Variants in ANKRD55 observed in about 807,000 individuals in gnomAD.
ANKRD55 encodes the protein ankyrin repeat domain-containing protein 55.
In ANKRD55, 41 loss-of-function variants were observed where a neutral mutation model predicts 60.6. The ratio of observed to expected loss-of-function variants is 0.68; its 90% CI spans 0.53 to 0.88. The LOEUF is 0.88. ANKRD55 is among the 40% of genes least tolerant of loss of function. The pLI, the probability that ANKRD55 is intolerant of heterozygous loss-of-function variation, is 0.00. For synonymous variants in ANKRD55, 264 were observed against 290.3 expected (o/e 0.91, Z 0.92); for missense variants, 732 against 767.6 (o/e 0.95, Z 0.55).
intron 6 of ANKRD55, 39 bp downstream of exon 6, chr5:56,159,794 A>G (rs745361114): frequency 2.5e-6 from 4 of 1,605,642 alleles, no homozygotes; most frequent in South Asian, 2.2e-5. Context: ...TCACCCTCAC[A>G]TGCAAAATGA....
intron 10 of ANKRD55, among the ~76,000 whole-genome samples, chr5:56,107,694 A>G (rs986401232): frequency 6.6e-6 from 1 of 152,084 alleles, no homozygotes; most frequent in Non-Finnish European, 1.5e-5. Flanking sequence ...ACATGGGGAC[A>G]CGCATTTTTC....
chr5:56,219,383 C>T (rs4457035), intron 2 of ANKRD55, among the ~76,000 whole-genome samples: 20,147 of 152,000 alleles, frequency 0.13, 2,062 homozygotes, highest in African/African-American at 0.29. Context: ...GTACTTTCCA[C>T]GTATACTGGA....
At chr5:56,229,093 GTTTTTTT>G (rs77788173) in intron 2 of ANKRD55, among the ~76,000 whole-genome samples, 5 of 126,760 alleles carry the variant, frequency 3.9e-5, no homozygotes, top group Middle Eastern at 8.3e-3. Flanking sequence ...CCCCTCGCCT[GTTTTTTT>G]TTTTTTTTTT....
intron 10 of ANKRD55, among the ~76,000 whole-genome samples, chr5:56,110,050 C>CAA (rs61381724): frequency 6.9e-6 from 1 of 144,328 alleles, no homozygotes. Context: ...GACTCCGTCT[C>CAA]AAAAAAAAAA....
intron 9 of ANKRD55, among the ~76,000 whole-genome samples, chr5:56,113,239 C>G (rs1756788232): frequency 6.6e-6 from 1 of 152,064 alleles, no homozygotes; most frequent in Non-Finnish European, 1.5e-5. Flanking sequence ...AACATCACAA[C>G]GTTATTTGTC....
rs1758280609 is a variant in ANKRD55 at position 56,159,829 on chromosome 5, T to C, written c.483+4A>G. On this transcript the variant is annotated splice_donor_region_variant and intron_variant, in intron 6 of 11. Transcript: ENST00000341048. ...ACCACTTGTTGCTTGAGAGTGTGGCTCACCTCATTGTCCTGGTGATTAATC... is the reference window on the plus strand; with the variant it reads ...ACCACTTGTTGCTTGAGAGTGTGGCCCACCTCATTGTCCTGGTGATTAATC... The C allele has an allele frequency of 6.2e-7, 1 of 1,613,706 alleles. No homozygotes were observed. The highest frequency in any genetic ancestry group is 1.3e-5 in the African/African-American group (1 of 74,908).
intron 2 of ANKRD55, among the ~76,000 whole-genome samples, chr5:56,202,693 C>T (rs1759407618): frequency 1.3e-5 from 2 of 152,178 alleles, no homozygotes; most frequent in Admixed American, 1.3e-4. Flanking sequence ...GGAAGTCTTG[C>T]AACAATATTA....
At chr5:56,188,358 C>A (rs1444128018) in intron 2 of ANKRD55, among the ~76,000 whole-genome samples, 4 of 134,046 alleles carry the variant, frequency 3.0e-5, no homozygotes, top group Non-Finnish European at 4.6e-5. Context: ...ACCCCGCCAC[C>A]CCCCTACAAC....
rs1343271277 is a variant in ANKRD55, at chr5:56,170,750, G to C, written c.366C>G (p.Ile122Met). Residue 122 changes from isoleucine to methionine, a missense_variant, in exon 5 of 12, where the codon ATC (isoleucine) becomes ATG (methionine). By Grantham distance (10) the Ile-to-Met change is conservative (BLOSUM62 1). This residue lies in a region of ANKRD55 where 4 missense variants were observed against 17.4 expected (regional missense o/e 0.23). Coordinates refer to ENST00000341048, the MANE Select transcript of ANKRD55 (RefSeq NM_024669.3). ...SLLRNGAKHNIPDKNGRLPLH... is the reference protein window; with the variant it reads ...SLLRNGAKHNMPDKNGRLPLH... ...GTGGCAGGCGGCCATTTTTATCTGG[G>C]ATATTGTGCTTGGCACCGTTTCTGA... The C allele has an allele frequency of 6.2e-7, 1 of 1,613,976 alleles. No individual in the cohort carries two copies. The highest frequency in any genetic ancestry group is 1.3e-5 in the African/African-American group (1 of 74,884).
At chr5:56,230,055 G>A (rs1760212599) in intron 2 of ANKRD55, among the ~76,000 whole-genome samples, 1 of 152,086 alleles carries the variant, frequency 6.6e-6, no homozygotes, top group South Asian at 2.1e-4. Context: ...ATCTCCCTGG[G>A]TGGGATGCAA....
At chr5:56,211,039 GT>G (rs1053288292) in intron 2 of ANKRD55, among the ~76,000 whole-genome samples, 12 of 152,242 alleles carry the variant, frequency 7.9e-5, no homozygotes, top group African/African-American at 2.6e-4. Flanking sequence ...CTCTGTAGTG[GT>G]GTGCGTGAAT....
In ANKRD55 at chr5:56,170,713, T is replaced by C. The variant is rs1758592396; in HGVS notation, c.403A>G (p.Thr135Ala). 1 of 1,614,174 alleles carries C rather than the reference T, an allele frequency of 6.2e-7. No homozygotes were observed. Among genetic ancestry groups the C allele is most frequent in the Non-Finnish European group, 8.5e-7 (1 of 1,180,002 alleles). Residue 135 changes from threonine to alanine, a missense_variant, in exon 5 of 12, where the codon ACT becomes GCT. This residue lies in a region of ANKRD55 where 597 missense variants were observed against 607.5 expected (regional missense o/e 0.98). Transcript: ENST00000341048. ...ACTTACCTCATATCGGGCTCAGCAG[T>C]GGCAGCATGCAGTGGCAGGCGGCCA... is the stretch of plus-strand genomic sequence containing the variant. ...KNGRLPLHAA[T>A]AEPDMRLLTV...
chr5:56,170,087 C>A (rs6882930), intron 5 of ANKRD55, among the ~76,000 whole-genome samples: 1 of 152,076 alleles, frequency 6.6e-6, no homozygotes. Context: ...GGAGCACACA[C>A]TTCTGGTTTC....
intron 2 of ANKRD55, among the ~76,000 whole-genome samples, chr5:56,186,946 A>G (rs1052746036): frequency 5.9e-5 from 9 of 152,216 alleles, no homozygotes; most frequent in African/African-American, 2.2e-4. Context: ...CAGCCTGTTC[A>G]TATGTTATAT....
At chr5:56,135,878 T>C in intron 7 of ANKRD55, among the ~76,000 whole-genome samples, 1 of 152,144 alleles carries the variant, frequency 6.6e-6, no homozygotes, top group Admixed American at 6.5e-5. Flanking sequence ...TACAGGCTAA[T>C]ATACAAAAGT....
intron 6 of ANKRD55, among the ~76,000 whole-genome samples, chr5:56,152,906 C>G (rs1390721785): frequency 6.6e-6 from 1 of 151,702 alleles, no homozygotes; most frequent in African/African-American, 2.4e-5. Context: ...AAAAAGACAT[C>G]AAAAGAAAAA....
intron 2 of ANKRD55, among the ~76,000 whole-genome samples, chr5:56,227,393 C>T (rs191626604): frequency 9.2e-5 from 14 of 151,716 alleles, no homozygotes; most frequent in Admixed American, 5.9e-4. Flanking sequence ...ATGTAAATGA[C>T]GAGTTAATGG....
intron 2 of ANKRD55, among the ~76,000 whole-genome samples, chr5:56,189,613 A>G (rs1007952471): frequency 2.0e-5 from 3 of 152,238 alleles, no homozygotes; most frequent in African/African-American, 7.2e-5. Context: ...CACTTAGCAT[A>G]ATGTCCTCAA....
chr5:56,112,183 G>A (rs1756730691), intron 9 of ANKRD55, among the ~76,000 whole-genome samples: 1 of 152,120 alleles, frequency 6.6e-6, no homozygotes, highest in African/African-American at 2.4e-5. Flanking sequence ...AAGCCTAAGG[G>A]TTTGAGTTCA....
Sources: allele counts gnomAD v4.1 joint callset (sites outside exome capture counted in the v4.1 genomes callset), GRCh38; gene constraint gnomAD v4.1.1; regional missense constraint gnomAD v4.1.1; transcripts MANE v1.5; gene names NCBI Gene and HGNC (gene_info 2026-07-23, HGNC 2026-07-21).